TENM1: variants seen among roughly 807,000 people sequenced by gnomAD.
TENM1 encodes teneurin transmembrane protein 1, also known as teneurin-1.
Under a neutral mutation model 174.8 loss-of-function variants are expected in TENM1, and 35 were observed. The ratio of observed to expected loss-of-function variants is 0.20; its 90% CI spans 0.15 to 0.27. TENM1 has a LOEUF of 0.27. Among genes scored for constraint, TENM1 ranks in the 10% least tolerant of loss-of-function variants. The pLI is 1.00. For missense variants in TENM1, 1,633 were observed against 2,130.1 expected, an observed-to-expected ratio of 0.77 and a Z score of 4.59; for synonymous variants, 781 against 798.7, an observed-to-expected ratio of 0.98 and a Z score of 0.37.
chrX:124,573,551 T>C (rs2049102893), intron 11 of TENM1, among the ~76,000 whole-genome samples: 2 of 111,871 alleles, frequency 1.8e-5, no homozygotes, highest in Admixed American at 1.9e-4. Flanking sequence ...GAACTGACTG[T>C]TCTATTGAAT....
chrX:124,382,009 A>C (rs2060162401), intron 31 of TENM1, among the ~76,000 whole-genome samples: 1 of 111,280 alleles, frequency 9.0e-6, no homozygotes, highest in Non-Finnish European at 1.9e-5. Flanking sequence ...TTAGACTTAA[A>C]TTTCAAGGCC....
At chrX:124,410,524 A>G (rs1197185604) in intron 25 of TENM1, among the ~76,000 whole-genome samples, 1 of 111,308 alleles carries the variant, frequency 9.0e-6, no homozygotes, top group Non-Finnish European at 1.9e-5. Flanking sequence ...GAGAAATGGA[A>G]TCTAATTAAA....
chrX:124,596,999 C>T (rs987125354), intron 11 of TENM1, among the ~76,000 whole-genome samples: 8 of 111,142 alleles, frequency 7.2e-5, no homozygotes, highest in Non-Finnish European at 1.5e-4. Flanking sequence ...CAAGAATGGC[C>T]ATAATTTTAA....
chrX:124,833,153 T>C (rs760504105), intron 3 of TENM1, among the ~76,000 whole-genome samples: 1 of 112,014 alleles, frequency 8.9e-6, no homozygotes, highest in African/African-American at 3.2e-5. Flanking sequence ...CAGGAGAAAG[T>C]TGAACTTCTA....
chrX:124,486,681 G>A (rs956269746), intron 21 of TENM1, among the ~76,000 whole-genome samples: 2 of 111,693 alleles, frequency 1.8e-5, no homozygotes, highest in Non-Finnish European at 3.8e-5. Context: ...GTCTGCAAAC[G>A]GTCAGTTTAA....
At chrX:125,098,020 T>C in the TENM1 span, among the ~76,000 whole-genome samples, 2 of 112,188 alleles carry the variant, frequency 1.8e-5, no homozygotes, top group African/African-American at 6.5e-5. Context: ...TCCCAGCACT[T>C]TGGGAGGCGG....
At chrX:124,522,308 T>C (rs2047868431) in intron 17 of TENM1, among the ~76,000 whole-genome samples, 1 of 111,496 alleles carries the variant, frequency 9.0e-6, no homozygotes, top group African/African-American at 3.3e-5. Flanking sequence ...AATTCTATCT[T>C]GGAGCATGCA....
chrX:124,401,877 A>G (rs781611338), intron 27 of TENM1, among the ~76,000 whole-genome samples: 1 of 112,238 alleles, frequency 8.9e-6, no homozygotes, highest in Non-Finnish European at 1.9e-5. Flanking sequence ...GAAGCCAGCC[A>G]GTTGTCCTGT....
chrX:124,877,283 C>T, intron 3 of TENM1, among the ~76,000 whole-genome samples: 1 of 112,192 alleles, frequency 8.9e-6, no homozygotes, highest in Non-Finnish European at 1.9e-5. Context: ...GTATTAATTG[C>T]AGTGGCAGTT....
intron 3 of TENM1, among the ~76,000 whole-genome samples, chrX:124,782,824 T>C (rs1348315714): frequency 9.0e-6 from 1 of 111,699 alleles, no homozygotes; most frequent in Non-Finnish European, 1.9e-5. Context: ...TACTAAAAAA[T>C]GTAGGTCAAA....
At chrX:124,596,930 ATCAC>A (rs2049907005) in intron 11 of TENM1, among the ~76,000 whole-genome samples, 1 of 111,859 alleles carries the variant, frequency 8.9e-6, no homozygotes, top group African/African-American at 3.2e-5. Flanking sequence ...AATGCTCAAC[ATCAC>A]TAATGACAAG....
At chrX:125,020,487 T>C in the TENM1 span, among the ~76,000 whole-genome samples, 1 of 109,897 alleles carries the variant, frequency 9.1e-6, no homozygotes, top group Admixed American at 9.8e-5. Flanking sequence ...GTTTTTTTCC[T>C]GGATGTTTTT....
At chrX:125,104,665 T>C in the TENM1 span, among the ~76,000 whole-genome samples, 1 of 110,867 alleles carries the variant, frequency 9.0e-6, no homozygotes, top group Non-Finnish European at 1.9e-5. Flanking sequence ...TATTAAACAA[T>C]GTACTTAATA....
intron 1 of TENM1, among the ~76,000 whole-genome samples, chrX:124,897,856 C>A (rs774007677): frequency 4.8e-4 from 54 of 112,253 alleles, no homozygotes; most frequent in African/African-American, 1.5e-3. Context: ...TTTTATGAAA[C>A]CATGCTTCTT....
chrX:124,460,776 T>C lies in TENM1; in HGVS notation c.3950-7285A>G, dbSNP rs1197692795. 8.2e-5 allele frequency among the ~76,000 whole-genome samples: 9 copies of C among 109,389 alleles called. No individual in the cohort carries two copies. The Admixed American group carries it at 8.8e-4, about 11-fold the overall frequency. The allele number at this position is 109,389 out of a possible 115,157, so 95.0% of individuals were successfully genotyped here. A position where few individuals can be genotyped will look rare whatever the true frequency, so the allele number is the denominator to read the frequency against. Reference sequence around the variant, plus strand: ...AAAGAAAATGCTAGTTTAACACAAGTTTGTCTGAGTTTAATGCCCATTCTC... The same window carrying C: ...AAAGAAAATGCTAGTTTAACACAAGCTTGTCTGAGTTTAATGCCCATTCTC... On this transcript the variant is annotated intron_variant, in intron 22 of 31. Transcript: ENST00000422452.
chrX:124,450,390 T>G (rs2061021211), intron 23 of TENM1, among the ~76,000 whole-genome samples: 1 of 106,608 alleles, frequency 9.4e-6, no homozygotes, highest in African/African-American at 3.4e-5. Context: ...GGAGTTTCCC[T>G]GCACAAGCTC....
At chrX:124,677,379 T>C (rs1448959318) in intron 5 of TENM1, among the ~76,000 whole-genome samples, 2 of 111,525 alleles carry the variant, frequency 1.8e-5, no homozygotes, top group African/African-American at 6.5e-5. Context: ...ATTTTTCTGT[T>C]TCTGGTACCT....
chrX:124,607,241 T>C (rs773595555), intron 11 of TENM1, among the ~76,000 whole-genome samples: 13 of 111,191 alleles, frequency 1.2e-4, no homozygotes, highest in African/African-American at 4.2e-4. Flanking sequence ...GGTGATGGTA[T>C]GGCAGAGAAT....
chrX:124,676,316 T>C (rs1248015735), intron 5 of TENM1, among the ~76,000 whole-genome samples: 1 of 51,628 alleles, frequency 1.9e-5, no homozygotes, highest in Admixed American at 2.8e-4. Context: ...ATATATATAC[T>C]CAATGAATGG....
Sources: allele counts gnomAD v4.1 joint callset (sites outside exome capture counted in the v4.1 genomes callset), GRCh38; gene constraint gnomAD v4.1.1; transcripts MANE v1.5; gene names NCBI Gene and HGNC (gene_info 2026-07-23, HGNC 2026-07-21).